CELF2: variants seen among roughly 807,000 people sequenced by gnomAD.
The protein encoded by CELF2 is CUGBP Elav-like family member 2.
A neutral mutation model predicts 62.6 loss-of-function variants in CELF2; 8 were observed. That is an observed-to-expected ratio of 0.13 (90% CI 0.07 to 0.23). The LOEUF (loss-of-function observed/expected upper bound fraction) is 0.23, where lower values mean the gene tolerates loss of function less well. CELF2 is among the 10% of genes least tolerant of loss of function. The pLI is 1.00. For synonymous variants in CELF2, 258 were observed against 250.0 expected (o/e 1.03, Z -0.30); for missense variants, 333 against 671.0 (o/e 0.50, Z 5.56).
At chr10:11,052,622 A>G (rs1457430425) in intron 1 of CELF2, among the ~76,000 whole-genome samples, 2 of 152,158 alleles carry the variant, frequency 1.3e-5, no homozygotes, top group Non-Finnish European at 2.9e-5. Flanking sequence ...ACATCCTTCA[A>G]TAGTTTTGTG....
At chr10:10,954,214 A>T (rs764757924) in intron 2 of CELF2, among the ~76,000 whole-genome samples, 80 of 3,246 alleles carry the variant, frequency 0.025, no homozygotes, top group Middle Eastern at 0.17. Context: ...CAATTTATTT[A>T]TTATTATTAT....
At chr10:10,765,913 G>T in the CELF2 span, among the ~76,000 whole-genome samples, 2 of 152,174 alleles carry the variant, frequency 1.3e-5, no homozygotes. Context: ...AGGCACAAGC[G>T]CACTGGCCCA....
At chr10:11,263,817 G>T (rs947937113) in intron 5 of CELF2, among the ~76,000 whole-genome samples, 4 of 152,174 alleles carry the variant, frequency 2.6e-5, no homozygotes, top group African/African-American at 4.8e-5. Flanking sequence ...CTATCCATAG[G>T]ACTTACCGTG....
At chr10:10,908,386 A>AT (rs1342704496) in intron 1 of CELF2, among the ~76,000 whole-genome samples, 13 of 151,094 alleles carry the variant, frequency 8.6e-5, no homozygotes, top group African/African-American at 2.9e-4. Flanking sequence ...CGCCCGGCTA[A>AT]TTTTTTTGTA....
chr10:10,587,975 A>C, the CELF2 span, among the ~76,000 whole-genome samples: 1 of 151,754 alleles, frequency 6.6e-6, no homozygotes, highest in Non-Finnish European at 1.5e-5. Flanking sequence ...CCCTCCGCCC[A>C]CTCACCAAGA....
chr10:10,653,482 G>A, the CELF2 span, among the ~76,000 whole-genome samples: 2 of 144,628 alleles, frequency 1.4e-5, no homozygotes, highest in Admixed American at 1.4e-4. Context: ...GCTCTCCTCA[G>A]CAAATGTAAA....
chr10:11,085,803 A>T (rs1564671985), intron 1 of CELF2, among the ~76,000 whole-genome samples: 1 of 152,194 alleles, frequency 6.6e-6, no homozygotes, highest in Admixed American at 6.5e-5. Context: ...AATAAAACAG[A>T]CTGCACCACC....
intron 8 of CELF2, among the ~76,000 whole-genome samples, chr10:11,275,396 G>A (rs1434220869): frequency 2.0e-5 from 3 of 152,152 alleles, no homozygotes; most frequent in African/African-American, 2.4e-5. Flanking sequence ...TTATATCAAC[G>A]ACTCTCTAGT....
At chr10:11,119,631 A>G (rs976583757) in intron 1 of CELF2, among the ~76,000 whole-genome samples, 21 of 152,168 alleles carry the variant, frequency 1.4e-4, no homozygotes, top group Non-Finnish European at 1.0e-4. Flanking sequence ...ACTTTCATAA[A>G]TTATTTTAAA....
the CELF2 span, among the ~76,000 whole-genome samples, chr10:10,771,848 T>A: frequency 1.3e-5 from 2 of 152,358 alleles, no homozygotes; most frequent in Non-Finnish European, 2.9e-5. Context: ...CTAATACACC[T>A]GCACGCTGTC....
intron 1 of CELF2, among the ~76,000 whole-genome samples, chr10:10,840,039 C>G (rs2058576460): frequency 6.6e-6 from 1 of 152,200 alleles, no homozygotes; most frequent in South Asian, 2.1e-4. Context: ...CTTGATAGTT[C>G]ATTCCTTTCT....
In CELF2 at chr10:11,300,753, A is replaced by G. The variant is rs2093638223; in HGVS notation, c.976+12201A>G. Among the ~76,000 whole-genome samples the G allele has an allele frequency of 6.6e-6, 1 of 152,200 alleles. No homozygotes were observed. ...CCTGCGCAGTTGGAATTCCGCATCC[A>G]AGCTCGTTTGAGGCAAAACGGCGAC... On this transcript the variant is annotated intron_variant, in intron 9 of 12. Coordinates refer to ENST00000633077, the MANE Select transcript of CELF2 (RefSeq NM_001326342.2). This position sits in a 1 kb window ranked among gnomAD's most constrained non-coding sequence, Gnocchi z 5.5.
rs1481326236 is a variant in CELF2, at chr10:11,288,348, C to T, written c.842-70C>T. 28 of 1,574,874 alleles carry T rather than the reference C, an allele frequency of 1.8e-5. No homozygotes were observed. In the East Asian group the frequency reaches 4.3e-4, roughly 24 times the overall value. On this transcript the variant is annotated intron_variant, in intron 8 of 12. Transcript: ENST00000633077. ...TCATGTGTCCTGACGATTTGATGAG[C>T]CTGCTCTTGTTTGGAAACTGTAGAA...
intron 2 of CELF2, chr10:10,935,005 C>T (rs61744549): frequency 6.6e-6 from 1 of 152,180 alleles, no homozygotes. Context: ...AAAAGGACTT[C>T]TCTGGGGTGA....
chr10:10,560,005 G>T, the CELF2 span, among the ~76,000 whole-genome samples: 1 of 152,160 alleles, frequency 6.6e-6, no homozygotes, highest in Non-Finnish European at 1.5e-5. Flanking sequence ...AGGGCTTGAG[G>T]CTGGCTTACC....
the CELF2 span, chr10:10,792,268 T>C: frequency 9.8e-5 from 39 of 396,552 alleles, no homozygotes; most frequent in East Asian, 1.4e-3. Flanking sequence ...ACAAGTTAGT[T>C]TTTAGATCTG....
At chr10:11,058,769 T>TTTTTGTTTTG (rs543921917) in intron 1 of CELF2, among the ~76,000 whole-genome samples, 3 of 151,546 alleles carry the variant, frequency 2.0e-5, no homozygotes, top group African/African-American at 4.8e-5. Context: ...CGCCCGGGCT[T>TTTTTGTTTTG]TTTTGTTTTG....
intron 2 of CELF2, among the ~76,000 whole-genome samples, chr10:11,210,617 C>T (rs573909947): frequency 2.4e-4 from 36 of 152,190 alleles, no homozygotes; most frequent in Admixed American, 1.9e-3. Context: ...CCAGAAAGGT[C>T]CCTCCTGCCA....
At chr10:10,741,511 AAAAAAAG>A in the CELF2 span, among the ~76,000 whole-genome samples, 1 of 151,566 alleles carries the variant, frequency 6.6e-6, no homozygotes, top group African/African-American at 2.4e-5. Context: ...AAAAAAAAAA[AAAAAAAG>A]AACTTGACAT....
Sources: gnomAD v4.1 joint callset for allele counts (sites outside exome capture counted in the v4.1 genomes callset) on GRCh38, gnomAD v4.1.1 for gene constraint, Gnocchi (gnomAD v3.1) non-coding constraint, MANE v1.5 for transcripts, NCBI Gene and HGNC (gene_info 2026-07-23, HGNC 2026-07-21) for gene names.